The following SASH1 variants were observed in gnomAD, a reference collection of about 807,000 sequenced individuals.
The protein encoded by SASH1 is SAM and SH3 domain containing 1, also known as SAM and SH3 domain-containing protein 1.
SASH1 carries 44 observed loss-of-function variants against 125.2 expected under a neutral mutation model. That is an observed-to-expected ratio of 0.35 (90% CI 0.28 to 0.45). SASH1 has a LOEUF of 0.45. Among genes scored for constraint, SASH1 ranks in the 20% least tolerant of loss-of-function variants. SASH1 has a pLI of 1.00. For synonymous variants in SASH1, 639 were observed against 649.1 expected (o/e 0.98, Z 0.24); for missense variants, 1,426 against 1,614.5 (o/e 0.88, Z 2.00).
chr6:148,460,322 G>A (rs1339183026), intron 4 of SASH1, among the ~76,000 whole-genome samples: 1 of 152,094 alleles, frequency 6.6e-6, no homozygotes, highest in African/African-American at 2.4e-5. Flanking sequence ...ATACAAAGAG[G>A]GTGGGGTAGA....
At chr6:148,390,348 C>T (rs1307244411) in intron 2 of SASH1, 86 bp downstream of exon 2, 2 of 1,329,452 alleles carry the variant, frequency 1.5e-6, no homozygotes, top group African/African-American at 2.9e-5. Context: ...AGTGCTAGCT[C>T]TTCCTGGGGT....
At chr6:148,317,432 TG>T in intron 1 of SASH1, among the ~76,000 whole-genome samples, 1 of 152,200 alleles carries the variant, frequency 6.6e-6, no homozygotes, top group East Asian at 1.9e-4. Flanking sequence ...AAATTTTTTT[TG>T]TTGTTTTTGA....
At chr6:148,405,086 G>A (rs1562385143) in intron 2 of SASH1, among the ~76,000 whole-genome samples, 1 of 151,894 alleles carries the variant, frequency 6.6e-6, no homozygotes, top group African/African-American at 2.4e-5. Flanking sequence ...TCAAACCGGG[G>A]ATACTCCTGC....
At chr6:148,473,816 T>A (rs1003772446) in intron 6 of SASH1, among the ~76,000 whole-genome samples, 1 of 152,152 alleles carries the variant, frequency 6.6e-6, no homozygotes, top group Admixed American at 6.5e-5. Context: ...TCTCTCACTT[T>A]CCTCCAAAAC....
chr6:148,341,079 G>A (rs186282038), upstream of SASH1, among the ~76,000 whole-genome samples: 189 of 152,288 alleles, frequency 1.2e-3, no homozygotes, highest in Middle Eastern at 0.014. Flanking sequence ...AGGCCGCAGT[G>A]AGCTACGATT....
At chr6:148,534,569 G>A (rs552053880) in intron 15 of SASH1, among the ~76,000 whole-genome samples, 182 bp from the exon 16 acceptor site, 1 of 152,310 alleles carries the variant, frequency 6.6e-6, no homozygotes, top group East Asian at 1.9e-4. Context: ...AAAACACCCT[G>A]CTTGCCTACT....
chr6:148,410,611 T>G (rs1784582731), intron 2 of SASH1, among the ~76,000 whole-genome samples: 1 of 152,208 alleles, frequency 6.6e-6, no homozygotes, highest in African/African-American at 2.4e-5. Flanking sequence ...CATATTTTCC[T>G]GTAAGCCAAT....
At chr6:148,377,988 GAA>G (rs890382496) in intron 1 of SASH1, among the ~76,000 whole-genome samples, 4 of 151,896 alleles carry the variant, frequency 2.6e-5, no homozygotes, top group Admixed American at 6.6e-5. Context: ...AAGTAGCAGA[GAA>G]AGAGAGAAGG....
rs35856337 is a variant in SASH1 at position 148,408,140 on chromosome 6, C to CTTTT, written c.285+17895_285+17898dup. Among the ~76,000 whole-genome samples the CTTTT allele has an allele frequency of 6.7e-4, 80 of 119,216 alleles. No homozygotes were observed. In the East Asian group the frequency reaches 0.013, roughly 19 times the overall value. 78.2% of individuals were successfully genotyped at this position (119,216 alleles called of 152,430 possible). A position where few individuals can be genotyped will look rare whatever the true frequency, so the allele number is the denominator to read the frequency against. On this transcript the variant is annotated intron_variant, in intron 2 of 19. Coordinates refer to ENST00000367467, the MANE Select transcript of SASH1 (RefSeq NM_015278.5). The stretch of plus-strand genomic sequence containing the variant: ...ATGTTAGTGATGTTGGGCATCTTTC[C>CTTTT]TTTTTTTTTTTTTTTTTTTTGAGAC...
At chr6:148,470,600 A>G (rs191917131) in intron 5 of SASH1, among the ~76,000 whole-genome samples, 97 of 152,340 alleles carry the variant, frequency 6.4e-4, no homozygotes, top group African/African-American at 1.9e-3. Flanking sequence ...CGTGTTATCA[A>G]TGATCGGAAC....
the SASH1 span, among the ~76,000 whole-genome samples, chr6:148,195,374 C>T: frequency 2.0e-5 from 3 of 152,144 alleles, no homozygotes; most frequent in African/African-American, 7.2e-5. Context: ...GGGCAGAGGC[C>T]GATGCTCAGG....
intron 4 of SASH1, among the ~76,000 whole-genome samples, chr6:148,446,510 G>A (rs1369284188): frequency 1.3e-5 from 2 of 152,110 alleles, no homozygotes; most frequent in Non-Finnish European, 2.9e-5. Flanking sequence ...TGTAAACAAA[G>A]GAATCTGAAA....
chr6:148,419,111 G>A (rs1784940044), intron 2 of SASH1, among the ~76,000 whole-genome samples: 1 of 152,166 alleles, frequency 6.6e-6, no homozygotes, highest in Non-Finnish European at 1.5e-5. Context: ...CATTTCCAAA[G>A]ATCATTTTCT....
rs1275777916 is a variant in SASH1, at chr6:148,546,085, A to G, written c.3419A>G (p.Asp1140Gly). 1.2e-6 allele frequency: 2 copies of G among 1,614,236 alleles called. No individual in the cohort carries two copies. The highest frequency in any genetic ancestry group is 1.7e-6 in the Non-Finnish European group (2 of 1,180,050). Residue 1140 changes from aspartate (D) to glycine (G), a missense_variant, in exon 19 of 20, where the codon GAC becomes GGC. Asp to Gly is a moderately conservative substitution (Grantham distance 94, BLOSUM62 -1). Coordinates refer to ENST00000367467, the MANE Select transcript of SASH1 (RefSeq NM_015278.5). ...YAEDLDQPER[D>G]VAANMDQIRV... ...GAGGACTTGGATCAGCCCGAGCGGGACGTCGCCGCCAACATGGACCAGATC... is the reference window on the plus strand; with the variant it reads ...GAGGACTTGGATCAGCCCGAGCGGGGCGTCGCCGCCAACATGGACCAGATC...
rs56276306 is a variant in SASH1 at position 148,326,323 on chromosome 6, C to CATATATATATATATAT, written n.74+53965_74+53980dup. 2.2e-3 allele frequency among the ~76,000 whole-genome samples: 22 copies of CATATATATATATATAT among 9,816 alleles called. 2 individuals carry two copies. Among genetic ancestry groups the CATATATATATATATAT allele is most frequent in the Admixed American group, 5.9e-3 (3 of 506 alleles). The allele number at this position is 9,816 out of a possible 152,430, so 6.4% of individuals were successfully genotyped here. A position where few individuals can be genotyped will look rare whatever the true frequency, so the allele number is the denominator to read the frequency against. On this transcript the variant is annotated intron_variant and non_coding_transcript_variant, in intron 1 of 3. Transcript: ENST00000367469. Reference sequence around the variant, plus strand: ...GATTACAGGAGTGAGCCACCGCATGCATATATATATATATATATATATATA... The same window carrying CATATATATATATATAT: ...GATTACAGGAGTGAGCCACCGCATGCATATATATATATATATATATATATATATATATATATATATA...
At chr6:148,467,649 A>T (rs1425764797) in intron 4 of SASH1, among the ~76,000 whole-genome samples, 1 of 152,096 alleles carries the variant, frequency 6.6e-6, no homozygotes, top group Non-Finnish European at 1.5e-5. Context: ...AAAAATACAG[A>T]TTTCTGGCTG....
At chr6:148,453,060 A>T (rs1777180598) in intron 4 of SASH1, among the ~76,000 whole-genome samples, 1 of 152,212 alleles carries the variant, frequency 6.6e-6, no homozygotes, top group Non-Finnish European at 1.5e-5. Context: ...CAGCTGGTCC[A>T]CAATCCTCCT....
intron 8 of SASH1, 93 bp downstream of exon 8, chr6:148,487,808 C>T (rs886872105): frequency 2.0e-5 from 17 of 844,540 alleles, no homozygotes; most frequent in African/African-American, 1.0e-4. Flanking sequence ...TCGAAACTTC[C>T]GACTCGCACC....
chr6:148,390,054 C>T, intron 1 of SASH1, 80 bp from the exon 2 acceptor site: 1 of 1,516,960 alleles, frequency 6.6e-7, no homozygotes, highest in South Asian at 1.2e-5. Flanking sequence ...ACTATTAACT[C>T]TGCGTAGAGG....
Sources: allele counts gnomAD v4.1 joint callset (sites outside exome capture counted in the v4.1 genomes callset), GRCh38; gene constraint gnomAD v4.1.1; transcripts MANE v1.5; gene names NCBI Gene and HGNC (gene_info 2026-07-23, HGNC 2026-07-21).